The following USP10 variants were observed in gnomAD, a reference collection of about 807,000 sequenced individuals.
The protein encoded by USP10 is ubiquitin specific peptidase 10.
USP10 carries 22 observed loss-of-function variants against 84.5 expected under a neutral mutation model. The ratio of observed to expected loss-of-function variants is 0.26; its 90% CI spans 0.19 to 0.37. The LOEUF (loss-of-function observed/expected upper bound fraction) is 0.37. USP10 is among the 10% of genes least tolerant of loss of function. USP10 has a pLI of 1.00. For synonymous variants in USP10, 454 were observed against 387.6 expected, an observed-to-expected ratio of 1.17 and a Z score of -2.01; for missense variants, 1,019 against 998.9, an observed-to-expected ratio of 1.02 and a Z score of -0.27.
At position 84,758,753 on chromosome 16, in the gene USP10, G is replaced by A. The variant is rs746239040; in HGVS notation, c.1230G>A (p.Val410=). ...LENVTLIHKP[V]SLQPRGLINK... ...ATGTAACCCTAATCCATAAACCAGT[G>A]TCGTTGCAACCCCGTGGGCTGATCA... The change falls in exon 5 of 14, where the codon GTG becomes GTA. Residue 410 remains valine, a synonymous_variant. Coordinates refer to ENST00000219473, the MANE Select transcript of USP10 (RefSeq NM_005153.3). 16 of 1,613,804 alleles carry A rather than the reference G, an allele frequency of 9.9e-6. No individual in the cohort carries two copies. In the African/African-American group the frequency reaches 1.9e-4, roughly 19 times the overall value.
At chr16:84,748,153 CAAAAAAA>C (rs1169089505) in intron 4 of USP10, among the ~76,000 whole-genome samples, 22 of 51,162 alleles carry the variant, frequency 4.3e-4, no homozygotes, top group Admixed American at 1.5e-3. Context: ...GACTCCATCT[CAAAAAAA>C]AAAAAAAAAA....
At chr16:84,762,898 A>G in intron 8 of USP10, 91 bp from the exon 9 acceptor site, 2 of 656,980 alleles carry the variant, frequency 3.0e-6, no homozygotes, top group Non-Finnish European at 5.3e-6. Flanking sequence ...ATTTCAGAGG[A>G]GGCATGGTTG....
intron 3 of USP10, among the ~76,000 whole-genome samples, chr16:84,740,981 T>C (rs1252429393): frequency 6.6e-6 from 1 of 152,252 alleles, no homozygotes; most frequent in Non-Finnish European, 1.5e-5. Context: ...GTTTAATTAT[T>C]GATTGCAGGC....
chr16:84,733,293 C>G, intron 1 of USP10, 142 bp from the exon 2 acceptor site: 3 of 645,656 alleles, frequency 4.6e-6, no homozygotes, highest in East Asian at 5.6e-5. Context: ...CTCTGAGTTG[C>G]AGATCCTCTG....
At chr16:84,701,807 A>G (rs1425768401) in intron 1 of USP10, among the ~76,000 whole-genome samples, 1 of 152,222 alleles carries the variant, frequency 6.6e-6, no homozygotes, top group African/African-American at 2.4e-5. Context: ...TGGAGTAGCA[A>G]AAGTTGGCGG....
At chr16:84,771,728 T>C (rs1914475776) in intron 11 of USP10, among the ~76,000 whole-genome samples, 1 of 151,674 alleles carries the variant, frequency 6.6e-6, no homozygotes, top group African/African-American at 2.4e-5. Flanking sequence ...ATTAGCCAGA[T>C]GTGGTGGTGG....
chr16:84,701,127 T>G (rs951146780), intron 1 of USP10, among the ~76,000 whole-genome samples: 1 of 152,242 alleles, frequency 6.6e-6, no homozygotes, highest in Non-Finnish European at 1.5e-5. Flanking sequence ...TAACCCTTCA[T>G]GAGCAATTGG....
At chr16:84,777,524 C>T (rs1417921916) in intron 13 of USP10, among the ~76,000 whole-genome samples, 2 of 152,174 alleles carry the variant, frequency 1.3e-5, no homozygotes, top group East Asian at 3.8e-4. Flanking sequence ...TGAAGCTATG[C>T]CCTTGGATTG....
intron 4 of USP10, among the ~76,000 whole-genome samples, chr16:84,747,206 C>T (rs1345712480): frequency 6.6e-6 from 1 of 152,198 alleles, no homozygotes; most frequent in Admixed American, 6.5e-5. Flanking sequence ...TTCAGATTGT[C>T]ACCCTAGTAG....
rs1459380690 is a variant in USP10, at chr16:84,745,117, C to T, written c.636C>T (p.Pro212=). Residue 212 remains proline (P), a synonymous_variant, in exon 4 of 14, where the codon CCC becomes CCT. Transcript: ENST00000219473. ...PSVTPRTCNS[P]QNSTDSVSDI... ...TTACGCCCAGGACTTGTAACAGCCC[C>T]CAGAACTCCACAGACTCTGTCAGTG... 3.7e-6 allele frequency: 6 copies of T among 1,613,360 alleles called. No individual in the cohort carries two copies. In the South Asian group the frequency reaches 4.4e-5, roughly 12 times the overall value.
intron 11 of USP10, 21 bp from the exon 12 acceptor site, chr16:84,772,520 C>T (rs769107453): frequency 1.2e-6 from 2 of 1,613,198 alleles, no homozygotes; most frequent in South Asian, 2.2e-5. Context: ...ACGGTGTGTC[C>T]TGGTGTGCTT....
At chr16:84,732,464 T>TTTA in intron 1 of USP10, 1 of 408,344 alleles carries the variant, frequency 2.4e-6, no homozygotes, top group Non-Finnish European at 4.8e-6. Flanking sequence ...TTTTTCTTTT[T>TTTA]GAGATGGAGT....
chr16:84,710,054 G>GCTCTC (rs879872415), intron 1 of USP10, among the ~76,000 whole-genome samples: 1 of 152,182 alleles, frequency 6.6e-6, no homozygotes, highest in Non-Finnish European at 1.5e-5. Context: ...CGGATCACTT[G>GCTCTC]AGGTAAGGAG....
At chr16:84,732,743 A>G (rs1298165937) in intron 1 of USP10, among the ~76,000 whole-genome samples, 2 of 152,194 alleles carry the variant, frequency 1.3e-5, no homozygotes, top group Non-Finnish European at 2.9e-5. Flanking sequence ...CTACTGCGCC[A>G]GGCCTCAATG....
chr16:84,706,830 G>A (rs746232590), intron 1 of USP10, among the ~76,000 whole-genome samples: 2 of 151,870 alleles, frequency 1.3e-5, no homozygotes, highest in Non-Finnish European at 2.9e-5. Flanking sequence ...GTGAGCCACC[G>A]CGCCGGGCCA....
chr16:84,749,219 A>G (rs1911610577), intron 4 of USP10, among the ~76,000 whole-genome samples: 1 of 152,154 alleles, frequency 6.6e-6, no homozygotes, highest in African/African-American at 2.4e-5. Context: ...GGTAAAACAT[A>G]CTCAGTTTGT....
intron 7 of USP10, 96 bp from the exon 8 acceptor site, chr16:84,760,076 C>A (rs1913029576): frequency 2.0e-6 from 3 of 1,506,622 alleles, no homozygotes; most frequent in Middle Eastern, 3.4e-4. Flanking sequence ...CAACATTCAG[C>A]CAGGTGGGAG....
chr16:84,776,316 G>A (rs1179946351), intron 13 of USP10, among the ~76,000 whole-genome samples: 2 of 148,048 alleles, frequency 1.4e-5, no homozygotes, highest in African/African-American at 5.0e-5. Context: ...TAGCGGTGGG[G>A]GCCCAGGGGT....
At chr16:84,764,529 A>G (rs138980880) in intron 10 of USP10, among the ~76,000 whole-genome samples, 48 of 152,254 alleles carry the variant, frequency 3.2e-4, no homozygotes, top group African/African-American at 1.1e-3. Flanking sequence ...GCTAGGGAGT[A>G]AGAGAAAAGC....
Sources: allele counts gnomAD v4.1 joint callset (sites outside exome capture counted in the v4.1 genomes callset), GRCh38; gene constraint gnomAD v4.1.1; transcripts MANE v1.5; gene names NCBI Gene and HGNC (gene_info 2026-07-23, HGNC 2026-07-21).